Variants in EVC2 observed in about 807,000 individuals in gnomAD.
EVC2 encodes limbin.
In EVC2, 148 loss-of-function variants were observed where a neutral mutation model predicts 149.3. The observed-to-expected ratio is 0.99, with a 90% CI of 0.87 to 1.14. The LOEUF is 1.14. Ranked by LOEUF, EVC2 falls within the 50% of genes most tolerant of loss-of-function variation. The pLI is 0.00. For missense variants in EVC2, 1,854 were observed against 1,627.3 expected (o/e 1.14, Z -2.40); for synonymous variants, 776 against 649.9 (o/e 1.19, Z -2.95).
chr4:5,689,055 TGTAAGGC>T, intron 5 of EVC2, 95 bp downstream of exon 5: 1 of 1,282,264 alleles, frequency 7.8e-7, no homozygotes, highest in Non-Finnish European at 1.1e-6. Flanking sequence ...AGTGAACATG[TGTAAGGC>T]TTTAAGAACA....
chr4:5,681,729 T>A (rs1367474604), intron 6 of EVC2, among the ~76,000 whole-genome samples: 1 of 152,192 alleles, frequency 6.6e-6, no homozygotes, highest in East Asian at 1.9e-4. Flanking sequence ...CACTTGATTC[T>A]CCAAGCCCCA....
chr4:5,661,357 T>C (rs186356146), intron 9 of EVC2, among the ~76,000 whole-genome samples: 2 of 152,324 alleles, frequency 1.3e-5, no homozygotes, highest in African/African-American at 2.4e-5. Flanking sequence ...CATAATTATG[T>C]TGCTAGCCAC....
rs1354361819 is a variant in EVC2 at position 5,622,074 on chromosome 4, C to T, written c.2501+463G>A. Among the ~76,000 whole-genome samples the T allele has an allele frequency of 1.3e-5, 2 of 152,002 alleles. No homozygotes were observed. The highest frequency in any genetic ancestry group is 2.9e-5 in the Non-Finnish European group (2 of 68,008). On this transcript the variant is annotated intron_variant, in intron 14 of 21. Transcript: ENST00000344408. The surrounding 1 kb of genome is among the most constrained non-coding windows in gnomAD (Gnocchi z 5.8). Reference sequence around the variant, plus strand: ...CACGAAGGTCAAGATCATGAGCAGCCTTGATGCCTGGTGAAACTAGCAGGG... The same window carrying T: ...CACGAAGGTCAAGATCATGAGCAGCTTTGATGCCTGGTGAAACTAGCAGGG...
At chr4:5,708,595 C>T, upstream of EVC2, 2 of 1,057,784 alleles carry the variant, frequency 1.9e-6, no homozygotes, top group South Asian at 2.2e-5. Flanking sequence ...GCCCCGCCGC[C>T]GAGCATGCTC....
At chr4:5,602,113 A>T (rs1195603895) in intron 16 of EVC2, among the ~76,000 whole-genome samples, 1 of 152,000 alleles carries the variant, frequency 6.6e-6, no homozygotes, top group Non-Finnish European at 1.5e-5. Context: ...CTGTCCCTAT[A>T]AAAAATTTTA....
intron 15 of EVC2, among the ~76,000 whole-genome samples, chr4:5,617,679 A>G (rs1320502735): frequency 6.6e-6 from 1 of 152,206 alleles, no homozygotes; most frequent in Non-Finnish European, 1.5e-5. Context: ...AAGGCTTCCT[A>G]GTGGAGGTGG....
At chr4:5,659,068 T>C (rs1156358572) in intron 9 of EVC2, among the ~76,000 whole-genome samples, 3 of 152,110 alleles carry the variant, frequency 2.0e-5, no homozygotes, top group South Asian at 2.1e-4. Context: ...GAATAAGCAA[T>C]GTAAAAGATA....
Position 5,633,574 on chromosome 4 carries a change from G to T in EVC2, c.1471-1542C>A, listed in dbSNP as rs115099498. 3.5e-3 allele frequency among the ~76,000 whole-genome samples: 530 copies of T among 152,330 alleles called. 4 individuals are homozygous for T. The highest frequency in any genetic ancestry group is 0.012 in the African/African-American group (509 of 41,586). On this transcript the variant is annotated intron_variant, in intron 10 of 21. Transcript: ENST00000344408. The surrounding 1 kb of genome is among the most constrained non-coding windows in gnomAD (Gnocchi z 4.4). ...CAAGGCAGTGACAGTGGAGCTTGTTGGTGAAGCGAAGGCAGGGAAAGGCTT... is the reference window on the plus strand; with the variant it reads ...CAAGGCAGTGACAGTGGAGCTTGTTTGTGAAGCGAAGGCAGGGAAAGGCTT...
rs187072923 is a variant in EVC2, at chr4:5,606,552, T to G, written c.2829+8870A>C. Reference sequence around the variant, plus strand: ...CAACTACTTGTCAGAGCTCTAACCCTATTAAAGAGAACACAATGAAATCCA... The same window carrying G: ...CAACTACTTGTCAGAGCTCTAACCCGATTAAAGAGAACACAATGAAATCCA... On this transcript the variant is annotated intron_variant, in intron 16 of 21. Transcript: ENST00000344408. Among the ~76,000 whole-genome samples the G allele has an allele frequency of 7.7e-4, 117 of 152,216 alleles. No homozygotes were observed. The Middle Eastern group carries it at 0.01, about 13-fold the overall frequency.
Position 5,705,880 on chromosome 4 carries a change from T to G in EVC2, c.228+2406A>C, listed in dbSNP as rs546970204. Among the ~76,000 whole-genome samples, 6 of 152,174 alleles carry G rather than the reference T, an allele frequency of 3.9e-5. No individual in the cohort carries two copies. In the East Asian group the frequency reaches 1.2e-3, roughly 29 times the overall value. On this transcript the variant is annotated intron_variant, in intron 1 of 21. Transcript: ENST00000344408. ...CCTTAAGAACCACTGGGGAATAAAATGCATTCCCAGTGGGCATCAAATGAT... is the reference window on the plus strand; with the variant it reads ...CCTTAAGAACCACTGGGGAATAAAAGGCATTCCCAGTGGGCATCAAATGAT...
intron 16 of EVC2, among the ~76,000 whole-genome samples, chr4:5,606,026 G>A (rs1185852071): frequency 6.6e-6 from 1 of 152,186 alleles, no homozygotes; most frequent in Non-Finnish European, 1.5e-5. Flanking sequence ...AAACTAAGAT[G>A]AGGCCCAAAC....
Position 5,605,476 on chromosome 4 carries a change from CAGAT to C in EVC2, c.2829+9942_2829+9945del, listed in dbSNP as rs199607522. On this transcript the variant is annotated intron_variant, in intron 16 of 21. Transcript: ENST00000344408. ...GTTCAAGGGTCAGATAGACAGATGA[CAGAT>C]AGATAGATGGATGGATGGATGGATA... 4.7e-3 allele frequency among the ~76,000 whole-genome samples: 720 copies of C among 152,078 alleles called. 4 individuals are homozygous for C. The highest frequency in any genetic ancestry group is 0.016 in the African/African-American group (676 of 41,462).
At chr4:5,554,650 C>G (rs1018211048) in intron 21 of EVC2, among the ~76,000 whole-genome samples, 1 of 152,178 alleles carries the variant, frequency 6.6e-6, no homozygotes, top group Non-Finnish European at 1.5e-5. Flanking sequence ...TCCTGTCTCA[C>G]TTGAGGGAAG....
chr4:5,674,610 G>T (rs1719875074), intron 7 of EVC2, among the ~76,000 whole-genome samples: 1 of 152,164 alleles, frequency 6.6e-6, no homozygotes, highest in African/African-American at 2.4e-5. Context: ...GCAGATGCTG[G>T]TCAGGGTCCA....
intron 13 of EVC2, 117 bp from the exon 14 acceptor site, chr4:5,623,108 C>G: frequency 1.0e-6 from 1 of 970,990 alleles, no homozygotes; most frequent in East Asian, 2.6e-5. Flanking sequence ...CCAACAATCT[C>G]ACATTTGGAA....
intron 16 of EVC2, among the ~76,000 whole-genome samples, chr4:5,599,598 C>G (rs1713796917): frequency 6.6e-6 from 1 of 152,142 alleles, no homozygotes; most frequent in South Asian, 2.1e-4. Context: ...GGAGGGATAG[C>G]TTTAGGAGAT....
chr4:5,570,120 T>C (rs1722558532), intron 19 of EVC2, among the ~76,000 whole-genome samples: 1 of 152,194 alleles, frequency 6.6e-6, no homozygotes, highest in Non-Finnish European at 1.5e-5. Context: ...CTGCTGTAAC[T>C]GTCCCATTTC....
In EVC2 at chr4:5,637,180, C is replaced by T. The variant is rs533563789; in HGVS notation, c.1470+3334G>A. On this transcript the variant is annotated intron_variant, in intron 10 of 21. Coordinates refer to ENST00000344408, the MANE Select transcript of EVC2 (RefSeq NM_147127.5). The surrounding 1 kb of genome is among the most constrained non-coding windows in gnomAD (Gnocchi z 4.4). ...CCCAGCATCCTATCCTCATGCTCTC[C>T]GCATAAAAAAGCATTGCCCCAGGCA... Among the ~76,000 whole-genome samples, 3 of 152,266 alleles carry T rather than the reference C, an allele frequency of 2.0e-5. No homozygotes were observed. The highest frequency in any genetic ancestry group is 2.1e-4 in the South Asian group (1 of 4,824).
rs1716013476 is a variant in EVC2, at chr4:5,625,195, A to C, written c.2046+554T>G. Among the ~76,000 whole-genome samples, 1 of 151,900 alleles carries C rather than the reference A, an allele frequency of 6.6e-6. No individual in the cohort carries two copies. Among genetic ancestry groups the C allele is most frequent in the East Asian group, 1.9e-4 (1 of 5,170 alleles). Reference sequence around the variant, plus strand: ...CATGCCCCCATTGACTTGCTGCTGCATTCCCTTCCAGGCCCTACCCTCGTC... The same window carrying C: ...CATGCCCCCATTGACTTGCTGCTGCCTTCCCTTCCAGGCCCTACCCTCGTC... On this transcript the variant is annotated intron_variant, in intron 13 of 21. Coordinates refer to ENST00000344408, the MANE Select transcript of EVC2 (RefSeq NM_147127.5). This position sits in a 1 kb window ranked among gnomAD's most constrained non-coding sequence, Gnocchi z 4.0.
Sources: gnomAD v4.1 joint callset for allele counts (sites outside exome capture counted in the v4.1 genomes callset) on GRCh38, gnomAD v4.1.1 for gene constraint, Gnocchi (gnomAD v3.1) non-coding constraint, MANE v1.5 for transcripts, NCBI Gene and HGNC (gene_info 2026-07-23, HGNC 2026-07-21) for gene names.